The following RPS6KC1 variants were observed in gnomAD, a reference collection of about 807,000 sequenced individuals.
RPS6KC1 encodes ribosomal protein S6 kinase C1, also known as inactive ribosomal protein S6 kinase delta-1.
In RPS6KC1, 54 loss-of-function variants were observed where a neutral mutation model predicts 103.8. The ratio of observed to expected loss-of-function variants is 0.52; its 90% CI spans 0.42 to 0.65. The LOEUF is 0.65. Among genes scored for constraint, RPS6KC1 ranks in the 30% least tolerant of loss-of-function variants. RPS6KC1 has a pLI of 0.00. For missense variants in RPS6KC1, 1,151 were observed against 1,253.8 expected, an observed-to-expected ratio of 0.92 and a Z score of 1.24; for synonymous variants, 439 against 438.7, an observed-to-expected ratio of 1.00 and a Z score of -0.01.
At chr1:213,153,121 C>T (rs1003811774) in intron 6 of RPS6KC1, among the ~76,000 whole-genome samples, 1 of 152,180 alleles carries the variant, frequency 6.6e-6, no homozygotes, top group Admixed American at 6.5e-5. Flanking sequence ...CGCAGGCACT[C>T]GGCAGGCTGA....
the RPS6KC1 span, among the ~76,000 whole-genome samples, chr1:213,432,612 T>C: frequency 2.3e-3 from 356 of 152,250 alleles, 8 homozygotes; most frequent in East Asian, 0.04. Context: ...CTCATTGTAA[T>C]GGGACAACCT....
chr1:213,801,839 C>G, the RPS6KC1 span, among the ~76,000 whole-genome samples: 1 of 152,068 alleles, frequency 6.6e-6, no homozygotes, highest in Admixed American at 6.6e-5. Context: ...ATGACATTCA[C>G]GGTCAGGAAT....
the RPS6KC1 span, among the ~76,000 whole-genome samples, chr1:213,615,023 A>C: frequency 6.6e-6 from 1 of 152,192 alleles, no homozygotes; most frequent in African/African-American, 2.4e-5. Flanking sequence ...AATAGATTTT[A>C]TATCATTGTG....
At chr1:213,243,443 A>G (rs1413824612) in intron 12 of RPS6KC1, among the ~76,000 whole-genome samples, 2 of 152,134 alleles carry the variant, frequency 1.3e-5, no homozygotes, top group Non-Finnish European at 2.9e-5. Context: ...TAAAAATGCA[A>G]TATGATTTTA....
intron 4 of RPS6KC1, among the ~76,000 whole-genome samples, chr1:213,107,630 T>G (rs2082624611): frequency 6.6e-6 from 1 of 152,232 alleles, no homozygotes; most frequent in South Asian, 2.1e-4. Context: ...CTACAAATCT[T>G]TGTGTGGATA....
the RPS6KC1 span, among the ~76,000 whole-genome samples, chr1:213,460,203 T>G: frequency 6.6e-6 from 1 of 152,170 alleles, no homozygotes; most frequent in Non-Finnish European, 1.5e-5. Flanking sequence ...ATTATTATTG[T>G]GTGGGAGTCA....
chr1:213,664,194 G>GGGGGA, the RPS6KC1 span, among the ~76,000 whole-genome samples: 570 of 144,486 alleles, frequency 3.9e-3, 28 homozygotes, highest in Non-Finnish European at 7.5e-3. Context: ...GAAATGAGCG[G>GGGGGA]GGGGGCGGGG....
the RPS6KC1 span, among the ~76,000 whole-genome samples, chr1:213,383,000 C>T: frequency 3.9e-5 from 6 of 152,204 alleles, no homozygotes; most frequent in Admixed American, 1.3e-4. Context: ...TTTGTCTTCA[C>T]GGGTTAGATT....
chr1:213,207,968 C>G (rs534465006), intron 8 of RPS6KC1, among the ~76,000 whole-genome samples: 1 of 152,054 alleles, frequency 6.6e-6, no homozygotes, highest in East Asian at 1.9e-4. Flanking sequence ...CCACCGTACC[C>G]GGTCTTGAAT....
the RPS6KC1 span, among the ~76,000 whole-genome samples, chr1:213,460,399 C>T: frequency 2.7e-5 from 4 of 148,796 alleles, no homozygotes; most frequent in Non-Finnish European, 3.0e-5. Context: ...GGGATTGCAA[C>T]CCCTGCTTTT....
At chr1:213,773,926 A>C in the RPS6KC1 span, among the ~76,000 whole-genome samples, 83,793 of 152,104 alleles carry the variant, frequency 0.55, 24,841 homozygotes, top group East Asian at 0.83. Flanking sequence ...CAAAGAAACT[A>C]ACCATCACAG....
chr1:213,709,459 G>C, the RPS6KC1 span, among the ~76,000 whole-genome samples: 1 of 151,948 alleles, frequency 6.6e-6, no homozygotes, highest in Non-Finnish European at 1.5e-5. Context: ...TATTAGACTG[G>C]CTAGTGTTCT....
the RPS6KC1 span, among the ~76,000 whole-genome samples, chr1:213,610,358 C>T: frequency 6.6e-6 from 1 of 152,130 alleles, no homozygotes; most frequent in Non-Finnish European, 1.5e-5. Flanking sequence ...CTGAGGATGC[C>T]CCATCCCTGT....
the RPS6KC1 span, among the ~76,000 whole-genome samples, chr1:213,357,909 G>T: frequency 6.6e-6 from 1 of 152,142 alleles, no homozygotes; most frequent in African/African-American, 2.4e-5. Flanking sequence ...TTGGCATGAG[G>T]CATACGAATA....
intron 12 of RPS6KC1, among the ~76,000 whole-genome samples, chr1:213,246,064 A>G (rs983665144): frequency 1.5e-4 from 23 of 152,184 alleles, no homozygotes; most frequent in Non-Finnish European, 2.8e-4. Context: ...CTCTGGCTAC[A>G]TCTGTGAAAA....
chr1:213,254,207 A>G (rs1294193984), intron 12 of RPS6KC1, among the ~76,000 whole-genome samples: 1 of 152,222 alleles, frequency 6.6e-6, no homozygotes, highest in East Asian at 1.9e-4. Flanking sequence ...TCTATATTGT[A>G]GTTAGAATAT....
intron 4 of RPS6KC1, among the ~76,000 whole-genome samples, chr1:213,106,843 G>A (rs1294193469): frequency 2.6e-5 from 4 of 151,950 alleles, no homozygotes; most frequent in African/African-American, 7.3e-5. Flanking sequence ...TTATTTATTA[G>A]TATTAGTACA....
At chr1:213,360,684 T>C in the RPS6KC1 span, among the ~76,000 whole-genome samples, 2 of 152,318 alleles carry the variant, frequency 1.3e-5, no homozygotes, top group South Asian at 4.1e-4. Context: ...CCCATCTTTG[T>C]GGTTTTATCT....
the RPS6KC1 span, among the ~76,000 whole-genome samples, chr1:213,697,550 C>A: frequency 6.6e-6 from 1 of 152,212 alleles, no homozygotes. Flanking sequence ...CATCATTTGG[C>A]TCCTTCTCCA....
Sources: gnomAD v4.1 joint callset for allele counts (sites outside exome capture counted in the v4.1 genomes callset) on GRCh38, gnomAD v4.1.1 for gene constraint, MANE v1.5 for transcripts, NCBI Gene and HGNC (gene_info 2026-07-23, HGNC 2026-07-21) for gene names.